DNAH14: variants seen among roughly 807,000 people sequenced by gnomAD.
The protein encoded by DNAH14 is axonemal beta dynein heavy chain 14.
In DNAH14, 478 loss-of-function variants were observed where a neutral mutation model predicts 520.9. The ratio of observed to expected loss-of-function variants is 0.92; its 90% CI spans 0.85 to 0.99. DNAH14 has a LOEUF of 0.99. Among genes scored for constraint, DNAH14 ranks in the 50% least tolerant of loss-of-function variants. The pLI, the probability that DNAH14 is intolerant of heterozygous loss-of-function variation, is 0.00. For synonymous variants in DNAH14, 1,581 were observed against 1,757.2 expected (o/e 0.90, Z 2.51); for missense variants, 4,831 against 5,234.5 (o/e 0.92, Z 2.38).
Position 225,130,872 on chromosome 1 carries a change from A to C in DNAH14, c.4254+7258A>C, listed in dbSNP as rs772470089. Among the ~76,000 whole-genome samples the C allele has an allele frequency of 2.1e-4, 32 of 152,270 alleles. 1 individual carries two copies. The highest frequency in any genetic ancestry group is 3.4e-3 in the Middle Eastern group (1 of 294). ...AAAGGAAAAAATGCAATATCTGTGA[A>C]GTACAATAAAATGAAGCACAATACA... On this transcript the variant is annotated intron_variant, in intron 27 of 85. Transcript: ENST00000682510.
chr1:225,256,375 A>C (rs1345919309), intron 44 of DNAH14, among the ~76,000 whole-genome samples: 1 of 152,166 alleles, frequency 6.6e-6, no homozygotes, highest in African/African-American at 2.4e-5. Context: ...TAAACATTGC[A>C]AGATTGGCTT....
intron 15 of DNAH14, among the ~76,000 whole-genome samples, chr1:225,044,877 A>C (rs957390728): frequency 6.6e-6 from 1 of 152,096 alleles, no homozygotes; most frequent in Admixed American, 6.5e-5. Flanking sequence ...GACATTCTAA[A>C]CAACTGTGCT....
intron 68 of DNAH14, among the ~76,000 whole-genome samples, chr1:225,340,030 T>C (rs1574907961): frequency 6.7e-6 from 1 of 148,922 alleles, no homozygotes. Flanking sequence ...AATTAATCCA[T>C]GTAGCTTTAC....
intron 31 of DNAH14, among the ~76,000 whole-genome samples, chr1:225,148,725 T>C (rs982825151): frequency 6.6e-6 from 1 of 152,202 alleles, no homozygotes; most frequent in Non-Finnish European, 1.5e-5. Flanking sequence ...GTATGCTTGT[T>C]GCCTGCATAT....
At chr1:225,100,633 C>A in intron 22 of DNAH14, 80 bp from the exon 23 acceptor site, 1 of 1,053,680 alleles carries the variant, frequency 9.5e-7, no homozygotes. Flanking sequence ...AAACAGTATT[C>A]CGTGGCAATG....
In DNAH14 at chr1:225,346,049, CA is replaced by C. The variant is rs940159934; in HGVS notation, c.10773del (p.Ala3592LeufsTer25). Reference sequence around the variant, plus strand: ...GAAATTTCAAAGCGCATCGAAGCAACAAAAAAAGCTGAAAGTGAAATCCAAG... The same window carrying C: ...GAAATTTCAAAGCGCATCGAAGCAACAAAAAAGCTGAAAGTGAAATCCAAG... ...SNEISKRIEA[T>X]KKAESEIQAI... On this transcript the variant is annotated frameshift_variant, in exon 70 of 86. Transcript: ENST00000682510. LOFTEE classifies it high-confidence loss of function. 9 of 1,551,474 alleles carry C rather than the reference CA, an allele frequency of 5.8e-6. No individual in the cohort carries two copies. The African/African-American group carries it at 1.1e-4, about 19-fold the overall frequency.
chr1:225,064,337 G>C (rs528322153), intron 17 of DNAH14, among the ~76,000 whole-genome samples: 1 of 151,982 alleles, frequency 6.6e-6, no homozygotes, highest in Non-Finnish European at 1.5e-5. Flanking sequence ...ATGCAAAATG[G>C]TACAGTCACT....
chr1:225,019,800 T>A (rs1409472363), intron 10 of DNAH14, among the ~76,000 whole-genome samples: 1 of 152,134 alleles, frequency 6.6e-6, no homozygotes, highest in Admixed American at 6.6e-5. Flanking sequence ...TTTAAAAAAA[T>A]TATTTGAAAC....
At chr1:225,097,260 C>G (rs1423191172) in intron 22 of DNAH14, 21 bp downstream of exon 22, 1 of 1,518,700 alleles carries the variant, frequency 6.6e-7, no homozygotes, top group African/African-American at 1.4e-5. Context: ...TAAAATATAC[C>G]ATATACAGGT....
chr1:225,192,393 C>G (rs1373199366), intron 37 of DNAH14, among the ~76,000 whole-genome samples: 1 of 152,084 alleles, frequency 6.6e-6, no homozygotes, highest in Non-Finnish European at 1.5e-5. Context: ...TATACTCAAC[C>G]CTGTCCCCAG....
In DNAH14 at chr1:225,047,504, A is replaced by C. The variant is rs557628144; in HGVS notation, c.1913-2706A>C. Reference sequence around the variant, plus strand: ...ATTCAGTATAGTAATATGCAGTAAAAGTTTGTAGCTAGGGCAACAGGGTAT... The same window carrying C: ...ATTCAGTATAGTAATATGCAGTAAACGTTTGTAGCTAGGGCAACAGGGTAT... On this transcript the variant is annotated intron_variant, in intron 15 of 85. Transcript: ENST00000682510. Among the ~76,000 whole-genome samples the C allele has an allele frequency of 8.5e-5, 13 of 152,308 alleles. No individual in the cohort carries two copies. In the East Asian group the frequency reaches 2.5e-3, roughly 29 times the overall value.
chr1:225,395,914 G>C (rs185158041), intron 84 of DNAH14: 1 of 152,174 alleles, frequency 6.6e-6, no homozygotes, highest in African/African-American at 2.4e-5. Flanking sequence ...ATTAGTGAAC[G>C]TTAGGAACAT....
At chr1:224,979,993 C>A (rs1423117964) in intron 8 of DNAH14, among the ~76,000 whole-genome samples, 2 of 152,178 alleles carry the variant, frequency 1.3e-5, no homozygotes, top group Non-Finnish European at 2.9e-5. Flanking sequence ...CCAGTGTTAA[C>A]CAGGTAGTAC....
intron 41 of DNAH14, among the ~76,000 whole-genome samples, chr1:225,223,268 A>G (rs372402894): frequency 6.6e-6 from 1 of 152,186 alleles, no homozygotes; most frequent in East Asian, 1.9e-4. Flanking sequence ...TTATAAAGAG[A>G]TAAGAAAAAG....
intron 43 of DNAH14, among the ~76,000 whole-genome samples, chr1:225,245,645 A>T (rs2092236611): frequency 6.6e-6 from 1 of 152,208 alleles, no homozygotes; most frequent in Non-Finnish European, 1.5e-5. Flanking sequence ...AGAAAATAAA[A>T]TACCTAGGAA....
At chr1:225,074,393 C>G (rs1041650978) in intron 17 of DNAH14, among the ~76,000 whole-genome samples, 2 of 152,226 alleles carry the variant, frequency 1.3e-5, no homozygotes, top group Non-Finnish European at 2.9e-5. Flanking sequence ...TGAGGAGGAA[C>G]AGATACGGGA....
At position 225,144,626 on chromosome 1, in the gene DNAH14, A is replaced by G. The variant is rs1047557507; in HGVS notation, c.4738A>G (p.Lys1580Glu). 1.3e-6 allele frequency: 2 copies of G among 1,548,586 alleles called. No individual in the cohort carries two copies. Among genetic ancestry groups the G allele is most frequent in the Non-Finnish European group, 1.7e-6 (2 of 1,145,024 alleles). The change falls in exon 29 of 86, where the codon AAA becomes GAA. Residue 1580 changes from lysine (K) to glutamate (E), a missense_variant and splice_region_variant. Coordinates refer to ENST00000682510, the MANE Select transcript of DNAH14 (RefSeq NM_001367479.1). Reference sequence around the variant, plus strand: ...AACTGAGACTGTCAAAGATCTAGCAAAAGTAAGTGGTTTCTGTATCCAGAA... The same window carrying G: ...AACTGAGACTGTCAAAGATCTAGCAGAAGTAAGTGGTTTCTGTATCCAGAA... ...GKTETVKDLA[K>E]SLGKHCVVFN...
At chr1:225,235,930 C>T (rs923110206) in intron 42 of DNAH14, among the ~76,000 whole-genome samples, 1 of 151,846 alleles carries the variant, frequency 6.6e-6, no homozygotes, top group African/African-American at 2.4e-5. Flanking sequence ...CTTATGTTTT[C>T]TTTTTTATTA....
intron 41 of DNAH14, among the ~76,000 whole-genome samples, chr1:225,223,487 A>G (rs1170201166): frequency 2.0e-5 from 3 of 152,192 alleles, no homozygotes; most frequent in Non-Finnish European, 4.4e-5. Flanking sequence ...AAAGTCGGCC[A>G]TATAGAACCA....
Sources: allele counts gnomAD v4.1 joint callset (sites outside exome capture counted in the v4.1 genomes callset), GRCh38; gene constraint gnomAD v4.1.1; transcripts MANE v1.5; gene names NCBI Gene and HGNC (gene_info 2026-07-23, HGNC 2026-07-21).